Variants in INPP4A observed in about 807,000 individuals in gnomAD.
The protein encoded by INPP4A is inositol polyphosphate-4-phosphatase type I A, also known as inositol polyphosphate-4-phosphatase, type I, 107kD.
INPP4A carries 33 observed loss-of-function variants against 119.8 expected under a neutral mutation model. The ratio of observed to expected loss-of-function variants is 0.28; its 90% CI spans 0.21 to 0.37. The LOEUF is 0.37. INPP4A is among the 10% of genes least tolerant of loss of function. INPP4A has a pLI of 1.00. For synonymous variants in INPP4A, 496 were observed against 500.7 expected, an observed-to-expected ratio of 0.99 and a Z score of 0.12; for missense variants, 956 against 1,289.9, an observed-to-expected ratio of 0.74 and a Z score of 3.97.
chr2:98,485,101 C>T (rs1017820924), intron 1 of INPP4A, among the ~76,000 whole-genome samples: 7 of 152,028 alleles, frequency 4.6e-5, no homozygotes, highest in African/African-American at 1.7e-4. Context: ...ATCTGCTTGG[C>T]GGGGCGGTTG....
chr2:98,574,963 G>A (rs1698170685), intron 23 of INPP4A, among the ~76,000 whole-genome samples: 1 of 152,124 alleles, frequency 6.6e-6, no homozygotes, highest in Non-Finnish European at 1.5e-5. Flanking sequence ...GGCTCTCAGA[G>A]ACCCTTGGCT....
intron 1 of INPP4A, among the ~76,000 whole-genome samples, chr2:98,496,526 A>G (rs184681878): frequency 1.9e-3 from 290 of 152,336 alleles, no homozygotes; most frequent in Non-Finnish European, 3.4e-3. Flanking sequence ...GAAAAATGGC[A>G]TTACATTAAG....
chr2:98,485,288 G>T (rs894374881), intron 1 of INPP4A, among the ~76,000 whole-genome samples: 1 of 152,202 alleles, frequency 6.6e-6, no homozygotes, highest in South Asian at 2.1e-4. Context: ...TGGTTGCAGC[G>T]TGAAATATGT....
rs184652190 is a variant in INPP4A, at chr2:98,477,925, G to A, written c.-166+32840G>A. On this transcript the variant is annotated intron_variant, in intron 1 of 24. Transcript: ENST00000409851. ...TGAGTCAGGAGGACCACCAGCAGCC[G>A]TGCTAGCTCTTGAGGCCTAGGTCTT... Among the ~76,000 whole-genome samples the A allele has an allele frequency of 3.2e-3, 482 of 152,348 alleles. 5 individuals are homozygous for A. Among genetic ancestry groups the A allele is most frequent in the African/African-American group, 0.011 (447 of 41,588 alleles).
In INPP4A at chr2:98,539,580, C is replaced by G; in HGVS notation, c.723C>G (p.Asn241Lys). Reference sequence around the variant, plus strand: ...ACCGGTTTCCAACCACTGATGGTAACCATTTGCGGATCCTGGAGCAGATGG... The same window carrying G: ...ACCGGTTTCCAACCACTGATGGTAAGCATTTGCGGATCCTGGAGCAGATGG... ...RMYRFPTTDGNHLRILEQMAE... is the reference protein window; with the variant it reads ...RMYRFPTTDGKHLRILEQMAE... Residue 241 changes from asparagine to lysine, a missense_variant, in exon 10 of 25, where the codon AAC becomes AAG. By Grantham distance (94) the Asn-to-Lys change is moderately conservative. Around this residue, in one of 2 missense-constraint regions of INPP4A, gnomAD observed 652 missense variants for 797.9 expected, o/e 0.82. Transcript: ENST00000409851. 1 of 1,612,372 alleles carries G rather than the reference C, an allele frequency of 6.2e-7. No individual in the cohort carries two copies.
intron 23 of INPP4A, among the ~76,000 whole-genome samples, chr2:98,574,258 C>A (rs1698026342): frequency 6.6e-6 from 1 of 151,968 alleles, no homozygotes; most frequent in Non-Finnish European, 1.5e-5. Context: ...GTTGCTAAAC[C>A]CCCCTGGCCA....
intron 1 of INPP4A, among the ~76,000 whole-genome samples, chr2:98,483,955 C>A (rs535954225): frequency 1.3e-3 from 196 of 152,324 alleles, no homozygotes; most frequent in Middle Eastern, 3.4e-3. Context: ...GCAGATGCCC[C>A]TGCCCACACC....
chr2:98,475,813 T>C (rs888705449), intron 1 of INPP4A, among the ~76,000 whole-genome samples: 1 of 152,102 alleles, frequency 6.6e-6, no homozygotes, highest in Non-Finnish European at 1.5e-5. Context: ...GATGGGCCTC[T>C]GGGGCGGGGG....
rs1225125994 is a variant in INPP4A at position 98,593,424 on chromosome 2, T to C, written c.*5816T>C. On this transcript the variant is annotated 3_prime_UTR_variant, in exon 25 of 25. Transcript: ENST00000409851. ...GACCATCCCTCCTCACTCTCAAATT[T>C]TATGTTGCCCACCACCTGCCACTAA... 2 of 152,318 alleles carry C rather than the reference T, an allele frequency of 1.3e-5. No homozygotes were observed. The highest frequency in any genetic ancestry group is 4.8e-5 in the African/African-American group (2 of 41,460). The allele number at this position is 152,318 out of a possible 1,614,324, so 9.4% of individuals were successfully genotyped here.
intron 1 of INPP4A, among the ~76,000 whole-genome samples, chr2:98,464,030 G>T (rs1319237758): frequency 6.6e-6 from 1 of 152,228 alleles, no homozygotes; most frequent in African/African-American, 2.4e-5. Flanking sequence ...CAGAGGGCCT[G>T]CAGATGGCTG....
At chr2:98,581,699 G>C (rs1699335296) in intron 24 of INPP4A, 20 of 1,612,852 alleles carry the variant, frequency 1.2e-5, no homozygotes, top group Non-Finnish European at 1.5e-5. Context: ...CCAATTTACT[G>C]ATTGTGTGGC....
intron 1 of INPP4A, among the ~76,000 whole-genome samples, chr2:98,473,718 A>C (rs560754054): frequency 2.0e-5 from 3 of 152,084 alleles, no homozygotes; most frequent in Non-Finnish European, 4.4e-5. Flanking sequence ...GATGGCACCC[A>C]GGGTCACACA....
At chr2:98,542,548 G>T (rs1001635815) in intron 10 of INPP4A, among the ~76,000 whole-genome samples, 1 of 152,178 alleles carries the variant, frequency 6.6e-6, no homozygotes, top group Non-Finnish European at 1.5e-5. Flanking sequence ...ACATATATGT[G>T]TAAAGTGTTC....
chr2:98,489,961 TGAG>T (rs992703894), intron 1 of INPP4A, among the ~76,000 whole-genome samples: 1 of 146,592 alleles, frequency 6.8e-6, no homozygotes, highest in African/African-American at 2.5e-5. Context: ...GCTTGTGGAG[TGAG>T]GAGGACACTT....
intron 23 of INPP4A, among the ~76,000 whole-genome samples, chr2:98,574,280 C>T (rs943858951): frequency 6.6e-6 from 1 of 152,038 alleles, no homozygotes; most frequent in Non-Finnish European, 1.5e-5. Context: ...GCTGTGACAG[C>T]CTCTTACCTA....
At chr2:98,563,935 T>G (rs1280480401) in intron 18 of INPP4A, among the ~76,000 whole-genome samples, 4 of 143,786 alleles carry the variant, frequency 2.8e-5, no homozygotes, top group African/African-American at 7.6e-5. Flanking sequence ...TTTGCTGCGT[T>G]TTTTTTTTTT....
At chr2:98,512,189 T>C (rs1453098309) in intron 1 of INPP4A, among the ~76,000 whole-genome samples, 3 of 152,216 alleles carry the variant, frequency 2.0e-5, no homozygotes, top group Non-Finnish European at 4.4e-5. Context: ...TCTTCACATA[T>C]GTGCTTGCTC....
In INPP4A at chr2:98,554,163, AG is replaced by A; in HGVS notation, c.1348-104del. 1.3e-6 allele frequency: 1 copy of A among 773,594 alleles called. No individual in the cohort carries two copies. Among genetic ancestry groups the A allele is most frequent in the East Asian group, 2.7e-5 (1 of 37,052 alleles). The allele number at this position is 773,594 out of a possible 1,614,324, so 47.9% of individuals were successfully genotyped here. The stretch of plus-strand genomic sequence containing the variant: ...TGCTTTGCACTGTGGAGAAAGGCAG[AG>A]GGGTGCAGTGCTGGGCTTTAAGCCC... On this transcript the variant is annotated intron_variant, in intron 14 of 24. Transcript: ENST00000409851. The surrounding 1 kb of genome is among the most constrained non-coding windows in gnomAD (Gnocchi z 4.7).
intron 1 of INPP4A, among the ~76,000 whole-genome samples, chr2:98,450,651 C>T (rs1005674198): frequency 2.0e-5 from 3 of 152,152 alleles, no homozygotes; most frequent in African/African-American, 7.2e-5. Flanking sequence ...ATCCTGGTGC[C>T]TAGTAAGTGT....
Sources: allele counts gnomAD v4.1 joint callset (sites outside exome capture counted in the v4.1 genomes callset), GRCh38; gene constraint gnomAD v4.1.1; regional missense constraint gnomAD v4.1.1; non-coding constraint Gnocchi (gnomAD v3.1); transcripts MANE v1.5; gene names NCBI Gene and HGNC (gene_info 2026-07-23, HGNC 2026-07-21).